MGAT3: variants seen among roughly 807,000 people sequenced by gnomAD.
MGAT3 encodes GlcNAc-T III.
In MGAT3, 9 loss-of-function variants were observed where a neutral mutation model predicts 29.8. That is an observed-to-expected ratio of 0.30 (90% CI 0.18 to 0.53). The LOEUF is 0.53. Among genes scored for constraint, MGAT3 ranks in the 20% least tolerant of loss-of-function variants. The pLI is 0.96. For missense variants in MGAT3, 557 were observed against 769.5 expected, an observed-to-expected ratio of 0.72 and a Z score of 3.27; for synonymous variants, 397 against 348.9, an observed-to-expected ratio of 1.14 and a Z score of -1.54.
Position 39,487,318 on chromosome 22 carries a change from T to G in MGAT3, c.-1-29T>G, listed in dbSNP as rs1569006180. 6 of 1,594,884 alleles carry G rather than the reference T, an allele frequency of 3.8e-6. No homozygotes were observed. Among genetic ancestry groups the G allele is most frequent in the South Asian group, 2.2e-5 (2 of 89,624 alleles). On this transcript the variant is annotated intron_variant, in intron 1 of 1. Coordinates refer to ENST00000341184, the MANE Select transcript of MGAT3 (RefSeq NM_002409.5). This position sits in a 1 kb window ranked among gnomAD's most constrained non-coding sequence, Gnocchi z 5.7. ...AGGAAAGGAGCCTGGGCTGCCCTGATGAGTCTCCTGTCTCTCTCTCTCCCG... is the reference window on the plus strand; with the variant it reads ...AGGAAAGGAGCCTGGGCTGCCCTGAGGAGTCTCCTGTCTCTCTCTCTCCCG...
In MGAT3 at chr22:39,492,150, AAGG is replaced by A. The variant is rs1929468349; in HGVS notation, c.*3204_*3206del. On this transcript the variant is annotated 3_prime_UTR_variant, in exon 2 of 2. Coordinates refer to ENST00000341184, the MANE Select transcript of MGAT3 (RefSeq NM_002409.5). ...CATTTCACCCTTAAAGGGATGCTTA[AAGG>A]AGAAGATAATATTAATAATAAAAAC... 1 of 167,168 alleles carries A rather than the reference AAGG, an allele frequency of 6.0e-6. No individual in the cohort carries two copies. The highest frequency in any genetic ancestry group is 1.5e-5 in the Non-Finnish European group (1 of 68,114). The allele number at this position is 167,168 out of a possible 1,614,324, so 10.4% of individuals were successfully genotyped here.
At chr22:39,465,448 C>G (rs2145711039) in intron 1 of MGAT3, among the ~76,000 whole-genome samples, 1 of 152,328 alleles carries the variant, frequency 6.6e-6, no homozygotes, top group East Asian at 1.9e-4. Flanking sequence ...TACCCTCCAA[C>G]TCACTGTGGG....
At position 39,489,037 on chromosome 22, in the gene MGAT3, T is replaced by C; in HGVS notation, c.*88T>C. ...CCCTGCCTCCTGCCGGCTCCTTGGTTCTTGAGGGGACCAGGAGTGGGTGGG... is the reference window on the plus strand; with the variant it reads ...CCCTGCCTCCTGCCGGCTCCTTGGTCCTTGAGGGGACCAGGAGTGGGTGGG... On this transcript the variant is annotated 3_prime_UTR_variant, in exon 2 of 2. Transcript: ENST00000341184. 7.1e-7 allele frequency: 1 copy of C among 1,417,580 alleles called. No homozygotes were observed. Among genetic ancestry groups the C allele is most frequent in the Non-Finnish European group, 9.4e-7 (1 of 1,065,712 alleles). 87.8% of individuals were successfully genotyped at this position (1,417,580 alleles called of 1,614,324 possible).
At chr22:39,479,128 A>G (rs1451857503) in intron 1 of MGAT3, among the ~76,000 whole-genome samples, 5 of 152,242 alleles carry the variant, frequency 3.3e-5, no homozygotes, top group Non-Finnish European at 7.3e-5. Context: ...ACTTGAGCCC[A>G]GGAGGTCGAG....
At chr22:39,478,507 G>A (rs374274007) in intron 1 of MGAT3, among the ~76,000 whole-genome samples, 3 of 152,350 alleles carry the variant, frequency 2.0e-5, no homozygotes, top group Non-Finnish European at 1.5e-5. Flanking sequence ...GACATGAGCC[G>A]TCTGAACCAC....
At position 39,488,010 on chromosome 22, in the gene MGAT3, G is replaced by A; in HGVS notation, c.663G>A (p.Leu221=). 6.2e-7 allele frequency: 1 copy of A among 1,613,196 alleles called. No homozygotes were observed. Among genetic ancestry groups the A allele is most frequent in the Non-Finnish European group, 8.5e-7 (1 of 1,179,868 alleles). Residue 221 remains leucine (L), a synonymous_variant, in exon 2 of 2, where the codon CTG becomes CTA. Transcript: ENST00000341184. ...ACGTCAACCACGAGTTCGACCTGCT[G>A]GACGTGCGCTTCCACGAGCTGGGCG... ...AINVNHEFDL[L]DVRFHELGDV...
Position 39,467,332 on chromosome 22 carries a change from A to G in MGAT3, c.-2+9775A>G, listed in dbSNP as rs181224181. Among the ~76,000 whole-genome samples the G allele has an allele frequency of 1.7e-3, 261 of 152,256 alleles. 1 individual carries two copies. The highest frequency in any genetic ancestry group is 6.1e-3 in the African/African-American group (253 of 41,552). On this transcript the variant is annotated intron_variant, in intron 1 of 1. Coordinates refer to ENST00000341184, the MANE Select transcript of MGAT3 (RefSeq NM_002409.5). ...GGGGCAGCATCCTGGAGAGATGGGAAAGGGGTGGGGAAGGGAATTTCTGCC... is the reference window on the plus strand; with the variant it reads ...GGGGCAGCATCCTGGAGAGATGGGAGAGGGGTGGGGAAGGGAATTTCTGCC...
In MGAT3 at chr22:39,489,725, G is replaced by T. The variant is rs2145729805; in HGVS notation, c.*776G>T. ...CTTCTCCCTTTCACATTGCTGTCTT[G>T]TGGACTGTGCACTCAGTCCTTGCAA... is the stretch of plus-strand genomic sequence containing the variant. On this transcript the variant is annotated 3_prime_UTR_variant, in exon 2 of 2. Coordinates refer to ENST00000341184, the MANE Select transcript of MGAT3 (RefSeq NM_002409.5). 1 of 167,632 alleles carries T rather than the reference G, an allele frequency of 6.0e-6. No homozygotes were observed. Among genetic ancestry groups the T allele is most frequent in the East Asian group, 1.9e-4 (1 of 5,334 alleles). The allele number at this position is 167,632 out of a possible 1,614,324, so 10.4% of individuals were successfully genotyped here.
chr22:39,460,552 G>A (rs1379179913), intron 1 of MGAT3, among the ~76,000 whole-genome samples: 1 of 152,124 alleles, frequency 6.6e-6, no homozygotes, highest in Non-Finnish European at 1.5e-5. Context: ...AATCCCAACA[G>A]TTTGGGAGGC....
At chr22:39,468,699 T>G (rs1164699912) in intron 1 of MGAT3, among the ~76,000 whole-genome samples, 1 of 150,000 alleles carries the variant, frequency 6.7e-6, no homozygotes, top group African/African-American at 2.5e-5. Context: ...GGCGTGGTCA[T>G]TTATTCATTC....
chr22:39,475,611 G>T (rs900077800), intron 1 of MGAT3, among the ~76,000 whole-genome samples: 1 of 152,066 alleles, frequency 6.6e-6, no homozygotes, highest in Non-Finnish European at 1.5e-5. Context: ...CCTTCATCAC[G>T]GGCCGTCTCT....
intron 1 of MGAT3, among the ~76,000 whole-genome samples, chr22:39,480,456 C>T (rs1601726925): frequency 6.6e-6 from 1 of 152,160 alleles, no homozygotes; most frequent in Admixed American, 6.5e-5. Flanking sequence ...CACGTACATC[C>T]AGGGAAGTAG....
chr22:39,482,214 C>A (rs1001230838), intron 1 of MGAT3, among the ~76,000 whole-genome samples: 1 of 151,562 alleles, frequency 6.6e-6, no homozygotes, highest in African/African-American at 2.4e-5. Context: ...CTTGAACTCC[C>A]GGACTCAAGC....
In MGAT3 at chr22:39,457,267, TC is replaced by T. The variant is rs1472280978; in HGVS notation, c.-287del. 1 of 137,716 alleles carries T rather than the reference TC, an allele frequency of 7.3e-6. No individual in the cohort carries two copies. The highest frequency in any genetic ancestry group is 1.6e-5 in the Non-Finnish European group (1 of 63,796). 8.5% of individuals were successfully genotyped at this position (137,716 alleles called of 1,614,324 possible). On this transcript the variant is annotated 5_prime_UTR_variant, in exon 1 of 2. Coordinates refer to ENST00000341184, the MANE Select transcript of MGAT3 (RefSeq NM_002409.5). The surrounding 1 kb of genome is among the most constrained non-coding windows in gnomAD (Gnocchi z 6.8). ...CCCCCCGCGCGCCCGCCGCGGTCCC[TC>T]CCCCGCGCCCGTCCGCTCGCCGGGC...
intron 1 of MGAT3, among the ~76,000 whole-genome samples, chr22:39,476,189 G>T (rs984627591): frequency 6.6e-6 from 1 of 152,118 alleles, no homozygotes; most frequent in South Asian, 2.1e-4. Context: ...GACTGGAGGT[G>T]GGGGAGGGGT....
chr22:39,463,202 T>A (rs1157402604), intron 1 of MGAT3, among the ~76,000 whole-genome samples: 3 of 152,242 alleles, frequency 2.0e-5, no homozygotes, highest in African/African-American at 7.2e-5. Context: ...CCACTTTCTA[T>A]GCATTCTCCC....
intron 1 of MGAT3, among the ~76,000 whole-genome samples, chr22:39,474,713 C>T (rs1372633216): frequency 1.3e-5 from 2 of 152,256 alleles, no homozygotes; most frequent in African/African-American, 4.8e-5. Flanking sequence ...CAGCAGTACT[C>T]ATTCCTCTGG....
At chr22:39,465,346 C>T (rs183793514) in intron 1 of MGAT3, among the ~76,000 whole-genome samples, 2 of 152,266 alleles carry the variant, frequency 1.3e-5, no homozygotes, top group African/African-American at 4.8e-5. Flanking sequence ...TTCAGCTGGC[C>T]ACGTGGCCTC....
chr22:39,461,350 G>A (rs1928492985), intron 1 of MGAT3, among the ~76,000 whole-genome samples: 1 of 152,072 alleles, frequency 6.6e-6, no homozygotes, highest in Non-Finnish European at 1.5e-5. Context: ...GGAGGTGAGG[G>A]GCCACCCTGC....
Sources: allele counts gnomAD v4.1 joint callset (sites outside exome capture counted in the v4.1 genomes callset), GRCh38; gene constraint gnomAD v4.1.1; non-coding constraint Gnocchi (gnomAD v3.1); transcripts MANE v1.5; gene names NCBI Gene and HGNC (gene_info 2026-07-23, HGNC 2026-07-21).